The following ZFHX3 variants were observed in gnomAD, a reference collection of about 807,000 sequenced individuals.
The protein encoded by ZFHX3 is zinc finger homeobox protein 3.
In ZFHX3, 42 loss-of-function variants were observed where a neutral mutation model predicts 279.1. The ratio of observed to expected loss-of-function variants is 0.15; its 90% CI spans 0.12 to 0.19. ZFHX3 has a LOEUF of 0.19. Among genes scored for constraint, ZFHX3 ranks in the 10% least tolerant of loss-of-function variants. The pLI is 1.00. For missense variants in ZFHX3, 4,981 were observed against 4,754.0 expected, an observed-to-expected ratio of 1.05 and a Z score of -1.40; for synonymous variants, 2,293 against 1,957.8, an observed-to-expected ratio of 1.17 and a Z score of -4.52.
At chr16:73,822,807 G>A (rs552343185) in intron 1 of ZFHX3, among the ~76,000 whole-genome samples, 1 of 152,326 alleles carries the variant, frequency 6.6e-6, no homozygotes, top group African/African-American at 2.4e-5. Flanking sequence ...TTTAGATACT[G>A]AGAGCAACAA....
rs578248183 is a variant in ZFHX3 at position 72,786,968 on chromosome 16, A to AAAGAC, written c.*191_*195dup. The stretch of plus-strand genomic sequence containing the variant: ...TTTTTTTAATATTAAAAGAAAAGAA[A>AAAGAC]AAGACAAGAATGTAAAATCACCGGC... On this transcript the variant is annotated 3_prime_UTR_variant, in exon 10 of 10. Coordinates refer to ENST00000268489, the MANE Select transcript of ZFHX3 (RefSeq NM_006885.4). 29 of 448,300 alleles carry AAAGAC rather than the reference A, an allele frequency of 6.5e-5. No homozygotes were observed. In the East Asian group the frequency reaches 1.2e-3, roughly 18 times the overall value. 27.8% of individuals were successfully genotyped at this position (448,300 alleles called of 1,614,324 possible). A position where few individuals can be genotyped will look rare whatever the true frequency, so the allele number is the denominator to read the frequency against.
At chr16:73,665,125 T>G (rs1212938739) in intron 2 of ZFHX3, among the ~76,000 whole-genome samples, 1 of 151,784 alleles carries the variant, frequency 6.6e-6, no homozygotes, top group Non-Finnish European at 1.5e-5. Flanking sequence ...AGTAAGTAAT[T>G]AAATATAGTG....
At position 73,708,079 on chromosome 16, in the gene ZFHX3, T is replaced by TGGG. The variant is rs57694938; in HGVS notation, c.-1607-27842_-1607-27840dup. Among the ~76,000 whole-genome samples the TGGG allele has an allele frequency of 1.5e-4, 22 of 144,228 alleles. No individual in the cohort carries two copies. In the East Asian group the frequency reaches 2.7e-3, roughly 18 times the overall value. 94.6% of individuals were successfully genotyped at this position (144,228 alleles called of 152,430 possible). On this transcript the variant is annotated intron_variant, in intron 1 of 17. Coordinates refer to the ZFHX3 transcript ENST00000641206. ...GAAATGTTTCATAATTTGGGTGTGG[T>TGGG]GGGGGGGGGAAGTATTTACAATTAT...
chr16:73,451,564 T>C (rs979280363), intron 3 of ZFHX3, among the ~76,000 whole-genome samples: 1 of 152,210 alleles, frequency 6.6e-6, no homozygotes, highest in African/African-American at 2.4e-5. Flanking sequence ...AAAGCATCGG[T>C]ATTTTTGCTA....
intron 4 of ZFHX3, among the ~76,000 whole-genome samples, chr16:72,871,824 G>A (rs1414590164): frequency 3.3e-5 from 5 of 151,894 alleles, no homozygotes; most frequent in African/African-American, 4.8e-5. Context: ...GGTGGCTCAC[G>A]CCTGTAATCC....
At chr16:73,713,798 T>G (rs943672551) in intron 1 of ZFHX3, among the ~76,000 whole-genome samples, 1 of 152,180 alleles carries the variant, frequency 6.6e-6, no homozygotes, top group Non-Finnish European at 1.5e-5. Context: ...CAAATCCTGT[T>G]CAGGCTACAA....
rs573123635 is a variant in ZFHX3, at chr16:72,940,359, C to T, written c.3216+10110G>A. ...TGATTTCAGTCTCCCAGAAGCTGCACAGGGAAATCTGGGAAATCCTGTGCC... is the reference window on the plus strand; with the variant it reads ...TGATTTCAGTCTCCCAGAAGCTGCATAGGGAAATCTGGGAAATCCTGTGCC... On this transcript the variant is annotated intron_variant, in intron 3 of 9. Coordinates refer to ENST00000268489, the MANE Select transcript of ZFHX3 (RefSeq NM_006885.4). Among the ~76,000 whole-genome samples the T allele has an allele frequency of 5.9e-5, 9 of 152,322 alleles. 1 individual carries two copies. In the South Asian group the frequency reaches 1.4e-3, roughly 25 times the overall value.
At chr16:73,158,993 C>A (rs925098371) in intron 5 of ZFHX3, among the ~76,000 whole-genome samples, 1 of 152,290 alleles carries the variant, frequency 6.6e-6, no homozygotes, top group Admixed American at 6.5e-5. Flanking sequence ...ACAACCTAGG[C>A]AGTACCACTC....
intron 2 of ZFHX3, among the ~76,000 whole-genome samples, chr16:73,526,033 G>T (rs2019686186): frequency 6.6e-6 from 1 of 152,184 alleles, no homozygotes; most frequent in South Asian, 2.1e-4. Flanking sequence ...TGGGGACGGG[G>T]AAGGAAATAA....
chr16:73,820,461 C>T (rs1288096397), intron 1 of ZFHX3, among the ~76,000 whole-genome samples: 1 of 152,094 alleles, frequency 6.6e-6, no homozygotes, highest in Non-Finnish European at 1.5e-5. Context: ...AACCCAGCTG[C>T]CATACCATGA....
At chr16:73,018,555 C>T (rs1339613607) in intron 1 of ZFHX3, among the ~76,000 whole-genome samples, 1 of 152,130 alleles carries the variant, frequency 6.6e-6, no homozygotes, top group African/African-American at 2.4e-5. Flanking sequence ...GCCAAAATCA[C>T]ACCACTGCAC....
chr16:73,167,665 T>C (rs1190068911), intron 5 of ZFHX3, among the ~76,000 whole-genome samples: 2 of 152,220 alleles, frequency 1.3e-5, no homozygotes, highest in East Asian at 1.9e-4. Flanking sequence ...AAAAAAACAA[T>C]AAAGCTAGAA....
intron 1 of ZFHX3, among the ~76,000 whole-genome samples, chr16:73,887,719 A>G (rs2030393563): frequency 6.6e-6 from 1 of 152,208 alleles, no homozygotes; most frequent in South Asian, 2.1e-4. Flanking sequence ...ATAATTTTAA[A>G]GTTTTCTAAA....
intron 2 of ZFHX3, among the ~76,000 whole-genome samples, chr16:72,951,401 CA>C (rs1960994561): frequency 6.6e-6 from 1 of 152,076 alleles, no homozygotes; most frequent in Non-Finnish European, 1.5e-5. Flanking sequence ...GCTGGGATTA[CA>C]GGCACCCACC....
At chr16:73,086,822 G>A (rs974736361) in intron 8 of ZFHX3, among the ~76,000 whole-genome samples, 9 of 152,180 alleles carry the variant, frequency 5.9e-5, no homozygotes, top group African/African-American at 1.9e-4. Flanking sequence ...AGGATTGTTT[G>A]AGTCCAGGAG....
intron 4 of ZFHX3, among the ~76,000 whole-genome samples, chr16:73,262,798 C>G (rs1328648076): frequency 3.9e-5 from 6 of 152,182 alleles, no homozygotes; most frequent in Admixed American, 3.9e-4. Context: ...TTCTGCTCCT[C>G]TCACTCTTGG....
At chr16:73,545,759 A>T (rs1231225766) in intron 2 of ZFHX3, among the ~76,000 whole-genome samples, 5 of 151,996 alleles carry the variant, frequency 3.3e-5, no homozygotes, top group Non-Finnish European at 7.4e-5. Context: ...GTCAGGAAAC[A>T]GAGGCAGAAA....
intron 4 of ZFHX3, among the ~76,000 whole-genome samples, chr16:72,874,185 G>A (rs1173306534): frequency 7.0e-6 from 1 of 143,144 alleles, no homozygotes; most frequent in Non-Finnish European, 1.5e-5. Context: ...GAGCTCAGAT[G>A]GAGGATTTTT....
intron 5 of ZFHX3, among the ~76,000 whole-genome samples, chr16:73,245,301 G>A (rs1191208362): frequency 1.3e-5 from 2 of 151,874 alleles, no homozygotes; most frequent in South Asian, 2.1e-4. Flanking sequence ...ATACAGTCTC[G>A]CTCTGTCACC....
Sources: allele counts gnomAD v4.1 joint callset (sites outside exome capture counted in the v4.1 genomes callset), GRCh38; gene constraint gnomAD v4.1.1; transcripts MANE v1.5; gene names NCBI Gene and HGNC (gene_info 2026-07-23, HGNC 2026-07-21).